Variants in INTS13 observed in about 807,000 individuals in gnomAD.
The protein encoded by INTS13 is asunder, spermatogenesis regulator homolog (Drosphila).
In INTS13, 35 loss-of-function variants were observed where a neutral mutation model predicts 90.2. That is an observed-to-expected ratio of 0.39 (90% CI 0.30 to 0.51). INTS13 has a LOEUF of 0.51. Among genes scored for constraint, INTS13 ranks in the 20% least tolerant of loss-of-function variants. The pLI is 0.80. For synonymous variants in INTS13, 309 were observed against 277.1 expected (o/e 1.11, Z -1.14); for missense variants, 601 against 851.2 (o/e 0.71, Z 3.66).
intron 7 of INTS13, among the ~76,000 whole-genome samples, chr12:26,923,355 G>A (rs1349227240): frequency 1.3e-5 from 2 of 152,050 alleles, no homozygotes; most frequent in Non-Finnish European, 2.9e-5. Flanking sequence ...CATCCAAAAG[G>A]TTCTACAGGG....
At chr12:26,910,518 A>G (rs146463036) in intron 15 of INTS13, among the ~76,000 whole-genome samples, 144 of 152,194 alleles carry the variant, frequency 9.5e-4, no homozygotes, top group African/African-American at 3.3e-3. Flanking sequence ...TGATAGTTTT[A>G]TAAGGGGCTT....
chr12:26,926,707 T>C (rs1272518141), intron 5 of INTS13, among the ~76,000 whole-genome samples: 1 of 152,190 alleles, frequency 6.6e-6, no homozygotes, highest in Non-Finnish European at 1.5e-5. Flanking sequence ...GCTAGGAGCA[T>C]CTTTTGCTCT....
At chr12:26,913,108 C>T (rs1164147448) in intron 14 of INTS13, among the ~76,000 whole-genome samples, 2 of 152,048 alleles carry the variant, frequency 1.3e-5, no homozygotes, top group Non-Finnish European at 2.9e-5. Flanking sequence ...AAATGCCTGG[C>T]ACATCATAAG....
intron 8 of INTS13, among the ~76,000 whole-genome samples, chr12:26,920,837 C>G (rs1228981754): frequency 6.6e-6 from 1 of 152,144 alleles, no homozygotes; most frequent in Non-Finnish European, 1.5e-5. Context: ...ATAATAGTTT[C>G]TTTCATGTTA....
chr12:26,925,901 G>C (rs1049259421), intron 5 of INTS13, 50 bp from the exon 6 acceptor site: 1 of 1,335,908 alleles, frequency 7.5e-7, no homozygotes, highest in Non-Finnish European at 1.1e-6. Context: ...AGTATGTAAA[G>C]AATTCAAGCA....
chr12:26,922,702 T>C lies in INTS13; in HGVS notation c.805-2A>G. On this transcript the variant is annotated splice_acceptor_variant, in intron 7 of 16. Coordinates refer to ENST00000261191, the MANE Select transcript of INTS13 (RefSeq NM_018164.3). LOFTEE classifies it high-confidence loss of function. Reference sequence around the variant, plus strand: ...AGATGTGTTAGCATGCTGTTCTTCCTTGAAGTAAAATTTCAAACATTTTAA... The same window carrying C: ...AGATGTGTTAGCATGCTGTTCTTCCCTGAAGTAAAATTTCAAACATTTTAA... 1 of 1,542,730 alleles carries C rather than the reference T, an allele frequency of 6.5e-7. No homozygotes were observed. The highest frequency in any genetic ancestry group is 8.7e-7 in the Non-Finnish European group (1 of 1,144,338).
chr12:26,936,491 C>T (rs1938467836), intron 2 of INTS13, 88 bp downstream of exon 2: 4 of 953,498 alleles, frequency 4.2e-6, no homozygotes, highest in Non-Finnish European at 6.4e-6. Flanking sequence ...AACACACAGT[C>T]ATTATCTATA....
intron 10 of INTS13, among the ~76,000 whole-genome samples, 167 bp from the exon 11 acceptor site, chr12:26,916,347 T>C (rs1951935443): frequency 6.6e-6 from 1 of 152,242 alleles, no homozygotes; most frequent in South Asian, 2.1e-4. Flanking sequence ...ATCTGAATTC[T>C]AGCCTTAACT....
At position 26,923,949 on chromosome 12, in the gene INTS13, A is replaced by AT. The variant is rs200035585; in HGVS notation, c.804+405dup. Among the ~76,000 whole-genome samples the AT allele has an allele frequency of 5.3e-3, 800 of 151,456 alleles. 6 individuals are homozygous for AT. Among genetic ancestry groups the AT allele is most frequent in the African/African-American group, 0.019 (768 of 41,378 alleles). On this transcript the variant is annotated intron_variant, in intron 7 of 16. Coordinates refer to ENST00000261191, the MANE Select transcript of INTS13 (RefSeq NM_018164.3). Reference sequence around the variant, plus strand: ...ATATTTTGATGAAAACAATGACAGCATTTTTTTTTAAGAGAGCTCACATAA... The same window carrying AT: ...ATATTTTGATGAAAACAATGACAGCATTTTTTTTTTAAGAGAGCTCACATAA...
At chr12:26,907,411 A>T (rs554277960) in intron 15 of INTS13, among the ~76,000 whole-genome samples, 1 of 152,242 alleles carries the variant, frequency 6.6e-6, no homozygotes, top group Non-Finnish European at 1.5e-5. Context: ...CGTAGGCAAA[A>T]GGATTAATAT....
chr12:26,937,047 T>C (rs1223031784), intron 1 of INTS13, among the ~76,000 whole-genome samples: 2 of 152,188 alleles, frequency 1.3e-5, no homozygotes, highest in Admixed American at 6.5e-5. Flanking sequence ...AAAATACCAG[T>C]GCATGCATTT....
At chr12:26,936,553 T>C (rs375810394) in intron 2 of INTS13, 26 bp downstream of exon 2, 2 of 1,518,806 alleles carry the variant, frequency 1.3e-6, no homozygotes, top group Non-Finnish European at 1.8e-6. Context: ...CCCAAAATCA[T>C]GATTTTGTTT....
chr12:26,907,455 C>A (rs61923390), intron 15 of INTS13, among the ~76,000 whole-genome samples: 5,274 of 152,250 alleles, frequency 0.035, 135 homozygotes, highest in African/African-American at 0.069. Context: ...GAAAATAACT[C>A]AAAAATTGAT....
chr12:26,917,530 C>A, intron 9 of INTS13, 89 bp from the exon 10 acceptor site: 1 of 1,220,598 alleles, frequency 8.2e-7, no homozygotes. Flanking sequence ...TCACTGAGTT[C>A]ATTGAGTCCT....
At chr12:26,938,126 GA>G (rs200227078), upstream of INTS13, 2,140 of 151,418 alleles carry the variant, frequency 0.014, 60 homozygotes, top group African/African-American at 0.049. Flanking sequence ...GGCCAAGGAG[GA>G]AAAAAAAAGC....
intron 2 of INTS13, 58 bp from the exon 3 acceptor site, chr12:26,934,688 A>G (rs1938370509): frequency 1.6e-6 from 2 of 1,234,376 alleles, no homozygotes; most frequent in Admixed American, 3.6e-5. Context: ...AATCACCAAC[A>G]TATTTTCAAG....
At chr12:26,934,946 AT>A (rs777604908) in intron 2 of INTS13, among the ~76,000 whole-genome samples, 1 of 152,246 alleles carries the variant, frequency 6.6e-6, no homozygotes, top group Non-Finnish European at 1.5e-5. Flanking sequence ...GATAAACGCT[AT>A]GAAAAATAAG....
intron 3 of INTS13, among the ~76,000 whole-genome samples, chr12:26,929,692 G>C (rs1363271178): frequency 6.6e-6 from 1 of 151,312 alleles, no homozygotes; most frequent in Non-Finnish European, 1.5e-5. Context: ...TGGCCTAGGT[G>C]ATAAACAGAG....
intron 7 of INTS13, among the ~76,000 whole-genome samples, chr12:26,924,115 G>A (rs1363019591): frequency 6.6e-6 from 1 of 151,912 alleles, no homozygotes; most frequent in African/African-American, 2.4e-5. Context: ...AAAAGGTAAA[G>A]GTTCAATTAA....
Sources: allele counts gnomAD v4.1 joint callset (sites outside exome capture counted in the v4.1 genomes callset), GRCh38; gene constraint gnomAD v4.1.1; transcripts MANE v1.5; gene names NCBI Gene and HGNC (gene_info 2026-07-23, HGNC 2026-07-21).